The following NFRKB variants were observed in gnomAD, a reference collection of about 807,000 sequenced individuals.
The protein encoded by NFRKB is nuclear factor related to kappaB binding protein, also known as nuclear factor related to kappa-B-binding protein.
In NFRKB, 62 loss-of-function variants were observed where a neutral mutation model predicts 135.7. That is an observed-to-expected ratio of 0.46 (90% confidence interval 0.37 to 0.56). The LOEUF is 0.56. Ranked by LOEUF, NFRKB falls within the 20% of genes least tolerant of loss-of-function variation. NFRKB has a pLI of 0.00. For synonymous variants in NFRKB, 678 were observed against 635.6 expected (o/e 1.07, Z -1.00); for missense variants, 1,545 against 1,662.0 (o/e 0.93, Z 1.22).
At chr11:129,878,871 A>T (rs1409157770) in intron 13 of NFRKB, among the ~76,000 whole-genome samples, 1 of 152,246 alleles carries the variant, frequency 6.6e-6, no homozygotes, top group African/African-American at 2.4e-5. Flanking sequence ...CACATATTTT[A>T]AAATCAATTC....
intron 4 of NFRKB, among the ~76,000 whole-genome samples, chr11:129,887,437 T>C (rs61913693): frequency 0.37 from 56,841 of 152,032 alleles, 11,207 homozygotes; most frequent in East Asian, 0.47. Context: ...GAAAACCTGA[T>C]ACCATGTGCC....
chr11:129,884,429 C>T (rs902191828), intron 7 of NFRKB, among the ~76,000 whole-genome samples: 2 of 152,210 alleles, frequency 1.3e-5, no homozygotes, highest in Admixed American at 6.5e-5. Flanking sequence ...CTCTGGAGAA[C>T]GGCTTGGCTC....
chr11:129,881,929 C>A, intron 11 of NFRKB, 76 bp from the exon 12 acceptor site: 1 of 1,537,606 alleles, frequency 6.5e-7, no homozygotes, highest in South Asian at 1.3e-5. Context: ...CCACCACAAC[C>A]TGCAGTATAT....
intron 26 of NFRKB, 44 bp downstream of exon 26, chr11:129,864,922 C>CA (rs1565382991): frequency 6.2e-7 from 1 of 1,612,402 alleles, no homozygotes; most frequent in Non-Finnish European, 8.5e-7. Flanking sequence ...GCAGTGGAAT[C>CA]AGAGAGGAGC....
intron 5 of NFRKB, among the ~76,000 whole-genome samples, chr11:129,885,972 C>T (rs1949257818): frequency 6.6e-6 from 1 of 152,202 alleles, no homozygotes. Context: ...CCATCCATCA[C>T]AGCATTCAGA....
intron 24 of NFRKB, among the ~76,000 whole-genome samples, chr11:129,866,549 TAA>T (rs889780704): frequency 1.3e-5 from 2 of 150,556 alleles, no homozygotes; most frequent in African/African-American, 2.4e-5. Flanking sequence ...CTCCCGGAGA[TAA>T]GAGAGGTTAG....
chr11:129,885,292 T>C, intron 6 of NFRKB, 143 bp downstream of exon 6: 1 of 896,884 alleles, frequency 1.1e-6, no homozygotes. Context: ...CAAGGCCTTC[T>C]GAGTCCCGCT....
At chr11:129,891,365 C>T (rs1336923721) in intron 3 of NFRKB, among the ~76,000 whole-genome samples, 3 of 152,200 alleles carry the variant, frequency 2.0e-5, no homozygotes, top group Non-Finnish European at 4.4e-5. Flanking sequence ...ACTTTGGGCC[C>T]TGCAGATAAA....
In NFRKB at chr11:129,874,929, C is replaced by A; in HGVS notation, c.1855-13G>T. 1 of 1,613,748 alleles carries A rather than the reference C, an allele frequency of 6.2e-7. No homozygotes were observed. The highest frequency in any genetic ancestry group is 8.5e-7 in the Non-Finnish European group (1 of 1,179,782). On this transcript the variant is annotated splice_polypyrimidine_tract_variant and intron_variant, in intron 18 of 26. Transcript: ENST00000682444. The surrounding 1 kb of genome is among the most constrained non-coding windows in gnomAD (Gnocchi z 4.5). ...CTACTGTATTTACCTACAAATCAGA[C>A]AAAGGGAAATAAGAAACAAGTCAAG...
At chr11:129,870,384 G>A in intron 23 of NFRKB, 123 bp from the exon 24 acceptor site, 1 of 1,141,800 alleles carries the variant, frequency 8.8e-7, no homozygotes, top group Non-Finnish European at 1.2e-6. Context: ...TTTTTATTTT[G>A]CAAACATTCA....
At position 129,875,379 on chromosome 11, in the gene NFRKB, G is replaced by A; in HGVS notation, c.1832C>T (p.Ala611Val). Residue 611 changes from alanine (A) to valine (V), a missense_variant, in exon 18 of 27, where the codon GCA becomes GTA. Around this residue, in one of 3 missense-constraint regions of NFRKB, gnomAD observed 114 missense variants for 211.0 expected, o/e 0.54. Transcript: ENST00000682444. ...TACCTGAGTGCTGGTGACATCTGGT[G>A]CAAGAAACTGGGAGTCCTTAAGCAG... The part of the protein sequence containing the change: ...CELLKDSQFL[A>V]PDVTSTQVNT... The A allele has an allele frequency of 6.2e-7, 1 of 1,613,166 alleles. No homozygotes were observed. The highest frequency in any genetic ancestry group is 8.5e-7 in the Non-Finnish European group (1 of 1,179,660).
chr11:129,867,130 T>C (rs540621873), intron 24 of NFRKB, among the ~76,000 whole-genome samples: 1 of 152,280 alleles, frequency 6.6e-6, no homozygotes, highest in East Asian at 1.9e-4. Context: ...CAGGGGGAAG[T>C]AAGCACCATC....
chr11:129,869,435 T>A lies in NFRKB; in HGVS notation c.3531+59A>T, dbSNP rs180811643. 5.5e-3 allele frequency: 8,290 copies of A among 1,512,118 alleles called. 391 individuals carry two copies. The African/African-American group carries it at 0.1, about 19-fold the overall frequency. The allele number at this position is 1,512,118 out of a possible 1,614,324, so 93.7% of individuals were successfully genotyped here. On this transcript the variant is annotated intron_variant, in intron 24 of 26. Transcript: ENST00000682444. ...AGGGAGTTTCTCGGGTAATGGGCAGTTGAGCCTTGATTAAGTTTTCTAAAA... is the reference window on the plus strand; with the variant it reads ...AGGGAGTTTCTCGGGTAATGGGCAGATGAGCCTTGATTAAGTTTTCTAAAA...
At chr11:129,884,292 C>G (rs1164986592) in intron 7 of NFRKB, 149 bp from the exon 8 acceptor site, 2 of 778,858 alleles carry the variant, frequency 2.6e-6, no homozygotes, top group African/African-American at 3.4e-5. Flanking sequence ...AGGATCGACA[C>G]TTCCACTTTT....
chr11:129,864,992 G>A lies in NFRKB; in HGVS notation c.3748C>T (p.Leu1250Phe), dbSNP rs1948123332. The change falls in exon 26 of 27, where the codon CTT becomes TTT. Residue 1250 changes from leucine to phenylalanine, a missense_variant. Around this residue, in one of 3 missense-constraint regions of NFRKB, gnomAD observed 753 missense variants for 804.3 expected, o/e 0.94. Coordinates refer to ENST00000682444, the MANE Select transcript of NFRKB (RefSeq NM_001143835.2). Reference sequence around the variant, plus strand: ...TGTGTGGCCTGACCTTGCTGCTGAAGCTGCTGCAACTGCTGAGCAGTGAGG... The same window carrying A: ...TGTGTGGCCTGACCTTGCTGCTGAAACTGCTGCAACTGCTGAGCAGTGAGG... ...SFLTAQQLQQ[L>F]QQQGQATQVR... The A allele has an allele frequency of 6.2e-7, 1 of 1,613,282 alleles. No individual in the cohort carries two copies. The highest frequency in any genetic ancestry group is 8.5e-7 in the Non-Finnish European group (1 of 1,179,890).
rs1949483329 is a variant in NFRKB at position 129,890,045 on chromosome 11, T to C, written c.136-1250A>G. Among the ~76,000 whole-genome samples the C allele has an allele frequency of 2.0e-5, 3 of 151,442 alleles. No homozygotes were observed. The South Asian group carries it at 6.3e-4, about 32-fold the overall frequency. ...GGTTTTTTTGTTTTTTTTTTTTGTT[T>C]TTTTAGAGTTCAGGCAATATTTGGC... On this transcript the variant is annotated intron_variant, in intron 3 of 26. Transcript: ENST00000682444.
chr11:129,890,161 CT>C (rs1356180442), intron 3 of NFRKB, among the ~76,000 whole-genome samples: 2 of 151,804 alleles, frequency 1.3e-5, no homozygotes, highest in Admixed American at 1.3e-4. Flanking sequence ...ACTTTTATCC[CT>C]AAGGACAATG....
rs530511521 is a variant in NFRKB, at chr11:129,874,252, T to C, written c.2140A>G (p.Ser714Gly). The change falls in exon 21 of 27, where the codon AGT becomes GGT. Residue 714 changes from serine to glycine, a missense_variant. By Grantham distance (56) the Ser-to-Gly change is moderately conservative. Coordinates refer to ENST00000682444, the MANE Select transcript of NFRKB (RefSeq NM_001143835.2). This position sits in a 1 kb window ranked among gnomAD's most constrained non-coding sequence, Gnocchi z 4.5. Reference protein sequence around the residue: ...EQSQMSLSDSSMPPTPVTPVT... With the variant: ...EQSQMSLSDSGMPPTPVTPVT... ...GGTGTGACTGGGGTGGGTGGCATAC[T>C]GGAGTCACTGAGGCTCATCTGGCTC... The C allele has an allele frequency of 1.3e-6, 2 of 1,517,936 alleles. No homozygotes were observed. The highest frequency in any genetic ancestry group is 1.4e-5 in the South Asian group (1 of 73,822). 94.0% of individuals were successfully genotyped at this position (1,517,936 alleles called of 1,614,324 possible). A position where few individuals can be genotyped will look rare whatever the true frequency, so the allele number is the denominator to read the frequency against.
intron 13 of NFRKB, among the ~76,000 whole-genome samples, chr11:129,878,965 G>T (rs1266329947): frequency 6.6e-6 from 1 of 152,188 alleles, no homozygotes; most frequent in Non-Finnish European, 1.5e-5. Context: ...AAAGGCTTCT[G>T]GCTAGTGGGG....
Sources: gnomAD v4.1 joint callset for allele counts (sites outside exome capture counted in the v4.1 genomes callset) on GRCh38, gnomAD v4.1.1 for gene constraint, gnomAD v4.1.1 regional missense constraint, Gnocchi (gnomAD v3.1) non-coding constraint, MANE v1.5 for transcripts, NCBI Gene and HGNC (gene_info 2026-07-23, HGNC 2026-07-21) for gene names.